Variants in ZNF695 observed in about 807,000 individuals in gnomAD.
ZNF695 encodes zinc finger protein SBZF3.
ZNF695 carries 11 observed loss-of-function variants against 11.2 expected under a neutral mutation model. That is an observed-to-expected ratio of 0.98 (90% CI 0.62 to 1.62). The LOEUF (loss-of-function observed/expected upper bound fraction) is 1.62. Among genes scored for constraint, ZNF695 ranks in the 40% most tolerant of loss-of-function variants. ZNF695 has a pLI of 0.00. For missense variants in ZNF695, 559 were observed against 590.5 expected, an observed-to-expected ratio of 0.95 and a Z score of 0.55; for synonymous variants, 190 against 201.4, an observed-to-expected ratio of 0.94 and a Z score of 0.48.
At chr1:247,002,795 G>T (rs1040456978) in intron 1 of ZNF695, among the ~76,000 whole-genome samples, 1 of 151,888 alleles carries the variant, frequency 6.6e-6, no homozygotes, top group African/African-American at 2.4e-5. Context: ...AAAAAAAAGG[G>T]GGGGGCAGCA....
At chr1:246,960,743 C>A (rs1668143009) in intron 5 of ZNF695, among the ~76,000 whole-genome samples, 1 of 152,064 alleles carries the variant, frequency 6.6e-6, no homozygotes, top group East Asian at 1.9e-4. Flanking sequence ...AGTTCGCGAG[C>A]AGCCTGGGCA....
intron 5 of ZNF695, among the ~76,000 whole-genome samples, chr1:246,956,648 G>T (rs1403556770): frequency 1.3e-5 from 2 of 151,994 alleles, no homozygotes; most frequent in Non-Finnish European, 2.9e-5. Context: ...GGATAATTGG[G>T]GGTATGTTAA....
chr1:246,981,007 G>A (rs530078214), downstream of ZNF695, among the ~76,000 whole-genome samples: 38 of 152,130 alleles, frequency 2.5e-4, no homozygotes, highest in African/African-American at 5.1e-4. Flanking sequence ...ATTATATGTC[G>A]GATGGGTTAA....
At position 247,008,007 on chromosome 1, in the gene ZNF695, G is replaced by A. The variant is rs1484593679; in HGVS notation, c.-99C>T. ...CTGCGGCAGTCACCCGGGACTCTCC[G>A]AGAGGCAGCAGACGGGAACCCAGCA... On this transcript the variant is annotated 5_prime_UTR_variant, in exon 1 of 4. Transcript: ENST00000339986. 1.5e-6 allele frequency: 2 copies of A among 1,325,904 alleles called. No homozygotes were observed. The highest frequency in any genetic ancestry group is 2.8e-5 in the East Asian group (1 of 36,074). The allele number at this position is 1,325,904 out of a possible 1,614,324, so 82.1% of individuals were successfully genotyped here. A position where few individuals can be genotyped will look rare whatever the true frequency, so the allele number is the denominator to read the frequency against.
intron 3 of ZNF695, among the ~76,000 whole-genome samples, chr1:246,998,977 A>AATATATATATATATATATATATAT (rs6143721): frequency 6.9e-6 from 1 of 144,278 alleles, no homozygotes; most frequent in African/African-American, 2.6e-5. Flanking sequence ...CAAGAAAACA[A>AATATATATATATATATATATATAT]ATATATATAT....
intron 4 of ZNF695, among the ~76,000 whole-genome samples, chr1:246,974,099 G>A (rs1668494399): frequency 6.6e-6 from 1 of 150,784 alleles, no homozygotes; most frequent in Non-Finnish European, 1.5e-5. Flanking sequence ...AAATTTTCCA[G>A]GCCATCCATT....
intron 1 of ZNF695, among the ~76,000 whole-genome samples, chr1:247,004,288 T>C (rs1480607308): frequency 6.6e-6 from 1 of 152,030 alleles, no homozygotes; most frequent in Admixed American, 6.6e-5. Context: ...TGGTTCAACA[T>C]ATGTAAATCA....
chr1:246,974,145 A>T (rs929176269), intron 4 of ZNF695, among the ~76,000 whole-genome samples: 2 of 109,668 alleles, frequency 1.8e-5, no homozygotes, highest in African/African-American at 1.0e-4. Context: ...TTTGGAATAA[A>T]AAACAAACAA....
chr1:246,945,593 T>A (rs1667714054), downstream of ZNF695: 5 of 568,256 alleles, frequency 8.8e-6, no homozygotes, highest in East Asian at 1.2e-4. Flanking sequence ...GACAACCAAA[T>A]GAAAAGGGAA....
At chr1:246,954,210 G>A (rs1326309502) in intron 5 of ZNF695, among the ~76,000 whole-genome samples, 1 of 152,190 alleles carries the variant, frequency 6.6e-6, no homozygotes, top group African/African-American at 2.4e-5. Context: ...GAAGGAGATT[G>A]TCCTGAATTT....
chr1:246,945,792 G>A (rs928825145), exon 6 of ZNF695: 1 of 1,550,188 alleles, frequency 6.5e-7, no homozygotes, highest in Admixed American at 2.0e-5. Flanking sequence ...ACCTCCGCAG[G>A]GTCTTCAAAG....
At chr1:246,998,977 A>AATATATATATATATATAT (rs6143721) in intron 3 of ZNF695, among the ~76,000 whole-genome samples, 3 of 144,350 alleles carry the variant, frequency 2.1e-5, no homozygotes, top group African/African-American at 5.2e-5. Flanking sequence ...CAAGAAAACA[A>AATATATATATATATATAT]ATATATATAT....
At chr1:246,973,359 T>C (rs1442369755) in intron 4 of ZNF695, among the ~76,000 whole-genome samples, 1 of 152,220 alleles carries the variant, frequency 6.6e-6, no homozygotes, top group Non-Finnish European at 1.5e-5. Context: ...GAACGTCACA[T>C]ATTTCTAATG....
chr1:246,962,600 C>T (rs1668188997), intron 5 of ZNF695, among the ~76,000 whole-genome samples: 1 of 152,186 alleles, frequency 6.6e-6, no homozygotes, highest in East Asian at 1.9e-4. Flanking sequence ...GCCTCTTCAC[C>T]TCTAAGCTGA....
In ZNF695 at chr1:246,988,275, C is replaced by T. The variant is rs762537070; in HGVS notation, c.260-20G>A. ...ACAAAACTGGAAAAAATAAAAACAA[C>T]AAATTATTCCACTTACTAGATAGCA... On this transcript the variant is annotated intron_variant, in intron 3 of 3. Coordinates refer to ENST00000339986, the MANE Select transcript of ZNF695 (RefSeq NM_020394.5). 6.6e-7 allele frequency: 1 copy of T among 1,508,986 alleles called. No individual in the cohort carries two copies. The highest frequency in any genetic ancestry group is 2.3e-5 in the East Asian group (1 of 44,008). The allele number at this position is 1,508,986 out of a possible 1,614,324, so 93.5% of individuals were successfully genotyped here.
chr1:246,999,439 A>G lies in ZNF695; in HGVS notation c.168T>C (p.Ser56=), dbSNP rs776008894. 3.7e-6 allele frequency: 6 copies of G among 1,613,114 alleles called. No individual in the cohort carries two copies. Among genetic ancestry groups the G allele is most frequent in the African/African-American group, 2.7e-5 (2 of 74,880 alleles). Residue 56 remains serine, a splice_region_variant and synonymous_variant, in exon 3 of 4, where the codon AGT becomes AGC. Transcript: ENST00000339986. ...TCAGTTCTGGCTTAGACATAGCAAG[A>G]CCTGTTTTATTAGAAAAAAGGTGCA... The part of the protein sequence containing the change: ...DSFNMQFLFH[S]LAMSKPELII...
rs150568471 is a variant in ZNF695 at position 246,978,072 on chromosome 1, C to A, written c.390+10053G>T. 4.2e-4 allele frequency among the ~76,000 whole-genome samples: 64 copies of A among 152,308 alleles called. No individual in the cohort carries two copies. In the East Asian group the frequency reaches 0.01, roughly 24 times the overall value. On this transcript the variant is annotated intron_variant, in intron 4 of 5. Transcript: ENST00000487338. ...TCTCATGGAGCAGAACACTATCACT[C>A]GGCCACCAATGTAAGCAGAAACATT...
chr1:246,966,304 C>A (rs1179863376), intron 5 of ZNF695, among the ~76,000 whole-genome samples: 2 of 152,140 alleles, frequency 1.3e-5, no homozygotes, highest in African/African-American at 4.8e-5. Flanking sequence ...ACAAGGCCAA[C>A]ATGTTGAAAC....
chr1:246,996,250 G>A (rs1669207570), intron 3 of ZNF695: 1 of 284,974 alleles, frequency 3.5e-6, no homozygotes, highest in Non-Finnish European at 6.8e-6. Flanking sequence ...CAGCAACCCA[G>A]GAGGCTGAGA....
Sources: allele counts gnomAD v4.1 joint callset (sites outside exome capture counted in the v4.1 genomes callset), GRCh38; gene constraint gnomAD v4.1.1; transcripts MANE v1.5; gene names NCBI Gene and HGNC (gene_info 2026-07-23, HGNC 2026-07-21).